NDUFAF7: variants seen among roughly 807,000 people sequenced by gnomAD.
NDUFAF7 encodes protein arginine methyltransferase NDUFAF7, mitochondrial.
Under a neutral mutation model 47.2 loss-of-function variants are expected in NDUFAF7, and 48 were observed. The ratio of observed to expected loss-of-function variants is 1.02; its 90% CI spans 0.81 to 1.29. NDUFAF7 has a LOEUF of 1.29. NDUFAF7 is among the 50% of genes most tolerant of loss of function. NDUFAF7 has a pLI of 0.00. For synonymous variants in NDUFAF7, 217 were observed against 190.0 expected (o/e 1.14, Z -1.17); for missense variants, 635 against 537.6 (o/e 1.18, Z -1.79).
downstream of NDUFAF7, chr2:37,252,845 A>ATT (rs1197869578): frequency 0.023 from 2,323 of 100,404 alleles, 42 homozygotes; most frequent in African/African-American, 0.058. Context: ...ATATATTTAT[A>ATT]TTTATATATA....
chr2:37,247,609 G>C lies in NDUFAF7; in HGVS notation c.1090G>C (p.Gly364Arg). ...ACAACACACATTTTTAAAAAATATG[G>C]GTATTGATGTCCGGCTGAAGGTAAG... is the stretch of plus-strand genomic sequence containing the variant. Reference protein sequence around the residue: ...IKQHTFLKNMGIDVRLKVLLD... With the variant: ...IKQHTFLKNMRIDVRLKVLLD... Residue 364 changes from glycine (G) to arginine (R), a missense_variant, in exon 9 of 10, where the codon GGT becomes CGT. Physicochemically the swap from Gly to Arg is moderately radical, Grantham distance 125. Coordinates refer to ENST00000002125, the MANE Select transcript of NDUFAF7 (RefSeq NM_144736.5). 2 of 1,613,742 alleles carry C rather than the reference G, an allele frequency of 1.2e-6. No individual in the cohort carries two copies. The highest frequency in any genetic ancestry group is 1.7e-6 in the Non-Finnish European group (2 of 1,179,904).
At chr2:37,238,621 AG>A (rs1255856331) in intron 4 of NDUFAF7, among the ~76,000 whole-genome samples, 1 of 152,056 alleles carries the variant, frequency 6.6e-6, no homozygotes, top group Non-Finnish European at 1.5e-5. Context: ...GAAGGCATAA[AG>A]CAAAAGATTA....
chr2:37,259,571 A>G, the NDUFAF7 span: 1 of 1,591,474 alleles, frequency 6.3e-7, no homozygotes, highest in Non-Finnish European at 8.6e-7. Flanking sequence ...AAGGTTCTGG[A>G]GAATATCTCA....
At chr2:37,243,129 C>T (rs577128930) in intron 6 of NDUFAF7, among the ~76,000 whole-genome samples, 1 of 152,038 alleles carries the variant, frequency 6.6e-6, no homozygotes, top group Non-Finnish European at 1.5e-5. Flanking sequence ...ACCCAGCCAA[C>T]CTTAGCACAT....
At position 37,232,156 on chromosome 2, in the gene NDUFAF7, G is replaced by A; in HGVS notation, c.106G>A (p.Ala36Thr). ...ATACTTCAGCTCCGGGAATGAGCCTGCAGAAAACCCGGTGACGCCGATGCT... is the reference window on the plus strand; with the variant it reads ...ATACTTCAGCTCCGGGAATGAGCCTACAGAAAACCCGGTGACGCCGATGCT... ...GKYFSSGNEP[A>T]ENPVTPMLRH... The change falls in exon 2 of 10, where the codon GCA becomes ACA. Residue 36 changes from alanine to threonine, a missense_variant. By Grantham distance (58) the Ala-to-Thr change is moderately conservative. Transcript: ENST00000002125. 6.2e-7 allele frequency: 1 copy of A among 1,614,236 alleles called. No individual in the cohort carries two copies. Among genetic ancestry groups the A allele is most frequent in the Non-Finnish European group, 8.5e-7 (1 of 1,180,048 alleles).
At chr2:37,237,381 A>G (rs536253094) in intron 3 of NDUFAF7, among the ~76,000 whole-genome samples, 4 of 152,406 alleles carry the variant, frequency 2.6e-5, no homozygotes, top group East Asian at 3.8e-4. Flanking sequence ...ATCGAAAAAC[A>G]TTAGTTATTA....
the NDUFAF7 span, among the ~76,000 whole-genome samples, chr2:37,262,552 A>C: frequency 6.6e-6 from 1 of 152,338 alleles, no homozygotes; most frequent in East Asian, 1.9e-4. Context: ...ATGAAACTCA[A>C]ATACCCCATA....
At chr2:37,257,285 A>G (rs959291378), downstream of NDUFAF7, among the ~76,000 whole-genome samples, 1 of 152,144 alleles carries the variant, frequency 6.6e-6, no homozygotes, top group Non-Finnish European at 1.5e-5. Flanking sequence ...ATCATCTGTG[A>G]GCAGGAATTG....
chr2:37,267,204 C>T, the NDUFAF7 span, among the ~76,000 whole-genome samples: 4 of 152,204 alleles, frequency 2.6e-5, no homozygotes, highest in East Asian at 1.9e-4. Flanking sequence ...GTATTTTAAG[C>T]TCCTGGAATG....
chr2:37,257,334 A>C (rs369910665), downstream of NDUFAF7, among the ~76,000 whole-genome samples: 8 of 152,304 alleles, frequency 5.3e-5, no homozygotes, highest in East Asian at 3.9e-4. Flanking sequence ...CAGTGCCTGG[A>C]CACATAAAGG....
chr2:37,257,666 CAAAAGAAAA>C (rs1181369558), downstream of NDUFAF7, among the ~76,000 whole-genome samples: 6 of 62,436 alleles, frequency 9.6e-5, no homozygotes, highest in East Asian at 8.0e-4. Flanking sequence ...GACTCTGTCT[CAAAAGAAAA>C]AAAAAAAAAA....
Position 37,241,744 on chromosome 2 carries a change from C to G in NDUFAF7, c.575C>G (p.Ser192Cys). ...GTGTATATGAAAGGTGTCACTAAGTCTGGGATTCCAATTTCCTGGTACCGA... is the reference window on the plus strand; with the variant it reads ...GTGTATATGAAAGGTGTCACTAAGTGTGGGATTCCAATTTCCTGGTACCGA... Reference protein sequence around the residue: ...SPVYMKGVTKSGIPISWYRDL... With the variant: ...SPVYMKGVTKCGIPISWYRDL... Residue 192 changes from serine to cysteine, a missense_variant, in exon 5 of 10, where the codon TCT (serine) becomes TGT (cysteine). Transcript: ENST00000002125. The G allele has an allele frequency of 7.1e-7, 1 of 1,417,770 alleles. No homozygotes were observed. Among genetic ancestry groups the G allele is most frequent in the Non-Finnish European group, 9.3e-7 (1 of 1,075,874 alleles). 87.8% of individuals were successfully genotyped at this position (1,417,770 alleles called of 1,614,324 possible).
In NDUFAF7 at chr2:37,244,045, CTTTAGAGT is replaced by C. The variant is rs1572560573; in HGVS notation, c.792+82_792+89del. On this transcript the variant is annotated intron_variant, in intron 7 of 9. Coordinates refer to ENST00000002125, the MANE Select transcript of NDUFAF7 (RefSeq NM_144736.5). ...CAAAGTCTTATTTTCTGAGTTACTA[CTTTAGAGT>C]TTTAGAGTTCCTTTACAGGAAGAGT... 14 of 1,302,438 alleles carry C rather than the reference CTTTAGAGT, an allele frequency of 1.1e-5. No homozygotes were observed. The South Asian group carries it at 1.6e-4, about 15-fold the overall frequency. 80.7% of individuals were successfully genotyped at this position (1,302,438 alleles called of 1,614,324 possible). A position where few individuals can be genotyped will look rare whatever the true frequency, so the allele number is the denominator to read the frequency against.
At chr2:37,253,395 T>C (rs750695049), downstream of NDUFAF7, 102 of 1,520,030 alleles carry the variant, frequency 6.7e-5, 2 homozygotes, top group Admixed American at 4.8e-4. Context: ...AGAAACAAAA[T>C]ACTGTCAACC....
chr2:37,259,352 T>C, the NDUFAF7 span, among the ~76,000 whole-genome samples: 2 of 152,256 alleles, frequency 1.3e-5, no homozygotes, highest in Non-Finnish European at 2.9e-5. Flanking sequence ...AGAGGTGAAT[T>C]GCAGAATCTA....
chr2:37,243,896 G>T lies in NDUFAF7; in HGVS notation c.715G>T (p.Asp239Tyr). 2 of 1,614,050 alleles carry T rather than the reference G, an allele frequency of 1.2e-6. No homozygotes were observed. Among genetic ancestry groups the T allele is most frequent in the Non-Finnish European group, 1.7e-6 (2 of 1,179,966 alleles). Residue 239 changes from aspartate to tyrosine, a missense_variant, in exon 7 of 10, where the codon GAC becomes TAC. Transcript: ENST00000002125. ...ACAGGGATGGCGAGAAGTATTTGTT[G>T]ACATTGATCCACAGGTTTCTGATAA... Reference protein sequence around the residue: ...TPQGWREVFVDIDPQVSDKLR... With the variant: ...TPQGWREVFVYIDPQVSDKLR...
the NDUFAF7 span, among the ~76,000 whole-genome samples, chr2:37,267,141 A>C: frequency 6.6e-6 from 1 of 152,210 alleles, no homozygotes; most frequent in Admixed American, 6.5e-5. Context: ...CACCTGTGAA[A>C]ACTGGATGGG....
rs534579164 is a variant in NDUFAF7 at position 37,241,875 on chromosome 2, A to G, written c.622+84A>G. ...TGGGACTGTAACTTTTTACAGCAAT[A>G]TAATAGATTGAGTTACTGCTGCCAA... On this transcript the variant is annotated intron_variant, in intron 5 of 9. Coordinates refer to ENST00000002125, the MANE Select transcript of NDUFAF7 (RefSeq NM_144736.5). 3.3e-5 allele frequency: 40 copies of G among 1,228,056 alleles called. No individual in the cohort carries two copies. The East Asian group carries it at 6.1e-4, about 19-fold the overall frequency. The allele number at this position is 1,228,056 out of a possible 1,614,324, so 76.1% of individuals were successfully genotyped here. A position where few individuals can be genotyped will look rare whatever the true frequency, so the allele number is the denominator to read the frequency against.
chr2:37,234,619 A>T (rs1665555943), intron 2 of NDUFAF7, among the ~76,000 whole-genome samples: 1 of 152,124 alleles, frequency 6.6e-6, no homozygotes, highest in African/African-American at 2.4e-5. Flanking sequence ...AGAAGAAGAG[A>T]TGTGTGGATT....
Sources: allele counts gnomAD v4.1 joint callset (sites outside exome capture counted in the v4.1 genomes callset), GRCh38; gene constraint gnomAD v4.1.1; transcripts MANE v1.5; gene names NCBI Gene and HGNC (gene_info 2026-07-23, HGNC 2026-07-21).